KIF1A: variants seen among roughly 807,000 people sequenced by gnomAD.
The protein encoded by KIF1A is kinesin-like protein KIF1A.
In KIF1A, 46 loss-of-function variants were observed where a neutral mutation model predicts 227.3. The observed-to-expected ratio is 0.20, with a 90% confidence interval of 0.16 to 0.26. The LOEUF (loss-of-function observed/expected upper bound fraction) is 0.26, where lower values mean the gene tolerates loss of function less well. Ranked by LOEUF, KIF1A falls within the 10% of genes least tolerant of loss-of-function variation. The pLI, the probability that KIF1A is intolerant of heterozygous loss-of-function variation, is 1.00. For missense variants in KIF1A, 1,683 were observed against 2,485.9 expected (o/e 0.68, Z 6.87); for synonymous variants, 1,022 against 1,012.8 (o/e 1.01, Z -0.17).
At chr2:240,765,399 G>A (rs2051046554) in intron 20 of KIF1A, among the ~76,000 whole-genome samples, 1 of 152,214 alleles carries the variant, frequency 6.6e-6, no homozygotes, top group African/African-American at 2.4e-5. Context: ...GCAGAGTCCT[G>A]GGCCAGGAGG....
rs150319486 is a variant in KIF1A at position 240,745,402 on chromosome 2, T to C, written c.3465+25A>G. 1.3e-3 allele frequency: 1,970 copies of C among 1,554,284 alleles called. 34 individuals carry two copies. The African/African-American group carries it at 0.025, about 20-fold the overall frequency. On this transcript the variant is annotated intron_variant, in intron 32 of 48. Coordinates refer to ENST00000498729, the MANE Select transcript of KIF1A (RefSeq NM_001244008.2). Reference sequence around the variant, plus strand: ...TGGGAGGGTCAGTCAGTGGCAGGGATGGGGAGAAGTGCCCAGGAACGTACG... The same window carrying C: ...TGGGAGGGTCAGTCAGTGGCAGGGACGGGGAGAAGTGCCCAGGAACGTACG...
chr2:240,774,285 G>A, intron 11 of KIF1A, 24 bp from the exon 12 acceptor site: 1 of 1,543,268 alleles, frequency 6.5e-7, no homozygotes, highest in South Asian at 1.1e-5. Context: ...ACCAGGTTGT[G>A]CCCAGAGGGG....
At chr2:240,780,770 C>CCACACACACACACAGCTCCACA (rs2053565203) in intron 10 of KIF1A, among the ~76,000 whole-genome samples, 1 of 71,540 alleles carries the variant, frequency 1.4e-5, no homozygotes, top group Non-Finnish European at 2.6e-5. Flanking sequence ...CCACACAGCT[C>CCACACACACACACAGCTCCACA]CACACACACA....
chr2:240,758,545 A>G lies in KIF1A; in HGVS notation c.2445-48T>C, dbSNP rs1167335444. 10 of 1,487,304 alleles carry G rather than the reference A, an allele frequency of 6.7e-6. No individual in the cohort carries two copies. Among genetic ancestry groups the G allele is most frequent in the Non-Finnish European group, 9.0e-6 (10 of 1,115,006 alleles). The allele number at this position is 1,487,304 out of a possible 1,614,324, so 92.1% of individuals were successfully genotyped here. ...TGTGGACCCAGGCCCAGCGCTCAGC[A>G]GCTGGCACCGCACACCCTTATCTCC... On this transcript the variant is annotated intron_variant, in intron 25 of 48. Coordinates refer to ENST00000498729, the MANE Select transcript of KIF1A (RefSeq NM_001244008.2). This position sits in a 1 kb window ranked among gnomAD's most constrained non-coding sequence, Gnocchi z 5.2.
intron 1 of KIF1A, among the ~76,000 whole-genome samples, chr2:240,816,211 C>T (rs1042110949): frequency 6.6e-6 from 1 of 151,464 alleles, no homozygotes. Context: ...CGTGCATAAG[C>T]ATGTGTGTAT....
intron 44 of KIF1A, 38 bp from the exon 45 acceptor site, chr2:240,721,076 G>C (rs780037861): frequency 3.1e-6 from 5 of 1,607,960 alleles, no homozygotes; most frequent in Non-Finnish European, 3.4e-6. Flanking sequence ...ACACAGGGAA[G>C]GGGGGTCTCC....
chr2:240,817,975 G>T (rs937828332), intron 1 of KIF1A, among the ~76,000 whole-genome samples: 1 of 152,228 alleles, frequency 6.6e-6, no homozygotes, highest in Non-Finnish European at 1.5e-5. Flanking sequence ...AGAACTCCAG[G>T]CTCCACCTGT....
chr2:240,736,171 C>T lies in KIF1A; in HGVS notation c.4007+892G>A, dbSNP rs1575545297. Among the ~76,000 whole-genome samples, 1 of 152,164 alleles carries T rather than the reference C, an allele frequency of 6.6e-6. No individual in the cohort carries two copies. The highest frequency in any genetic ancestry group is 6.5e-5 in the Admixed American group (1 of 15,288). On this transcript the variant is annotated intron_variant, in intron 38 of 48. Transcript: ENST00000498729. This position sits in a 1 kb window ranked among gnomAD's most constrained non-coding sequence, Gnocchi z 4.7. ...ACGACGCCCGCCAGGACCCTCCTTC[C>T]TTATGACCCTGACCCTCCTTGCAGG...
chr2:240,745,783 G>A lies in KIF1A; in HGVS notation c.3329C>T (p.Ala1110Val), dbSNP rs1236829353. The change falls in exon 31 of 49, where the codon GCG becomes GTG. Residue 1110 changes from alanine to valine, a missense_variant. Coordinates refer to ENST00000498729, the MANE Select transcript of KIF1A (RefSeq NM_001244008.2). ...TFTFRVTVLQ[A>V]SSISAEYADI... ...GGCATATTCGGCAGAGATGCTGGAC[G>A]CCTGCAGGACTGTCACACGGAAGGT... is the stretch of plus-strand genomic sequence containing the variant. 4 of 1,612,880 alleles carry A rather than the reference G, an allele frequency of 2.5e-6. No individual in the cohort carries two copies. Among genetic ancestry groups the A allele is most frequent in the South Asian group, 1.1e-5 (1 of 90,872 alleles).
At chr2:240,805,721 T>C (rs528762804) in intron 1 of KIF1A, among the ~76,000 whole-genome samples, 1 of 152,328 alleles carries the variant, frequency 6.6e-6, no homozygotes, top group African/African-American at 2.4e-5. Context: ...TATTTTACCA[T>C]GTACTAGACC....
In KIF1A at chr2:240,758,092, A is replaced by G. The variant is rs566111296; in HGVS notation, c.2582+268T>C. On this transcript the variant is annotated intron_variant, in intron 26 of 48. Coordinates refer to ENST00000498729, the MANE Select transcript of KIF1A (RefSeq NM_001244008.2). The surrounding 1 kb of genome is among the most constrained non-coding windows in gnomAD (Gnocchi z 5.2). ...CTCACATATTCATACACATGGACCC[A>G]TGGGTTCTGGCGGCTACAGCCCTGC... Among the ~76,000 whole-genome samples the G allele has an allele frequency of 1.5e-4, 23 of 152,314 alleles. No individual in the cohort carries two copies. Among genetic ancestry groups the G allele is most frequent in the African/African-American group, 5.5e-4 (23 of 41,580 alleles).
intron 17 of KIF1A, 102 bp from the exon 18 acceptor site, chr2:240,767,447 G>A (rs892600923): frequency 5.2e-6 from 5 of 959,554 alleles, no homozygotes; most frequent in African/African-American, 1.6e-5. Flanking sequence ...CTACCACCAG[G>A]GTCCCTGCCC....
rs2047717398 is a variant in KIF1A at position 240,739,559 on chromosome 2, GT to G, written c.3901+498del. On this transcript the variant is annotated intron_variant, in intron 37 of 48. Coordinates refer to ENST00000498729, the MANE Select transcript of KIF1A (RefSeq NM_001244008.2). The surrounding 1 kb of genome is among the most constrained non-coding windows in gnomAD (Gnocchi z 5.6). ...ATGGGCCTCTAATCCAACCTGCCTG[GT>G]GTCCTTAGGAGAAAGGGCCACAGGA... Among the ~76,000 whole-genome samples the G allele has an allele frequency of 1.3e-5, 2 of 152,140 alleles. No individual in the cohort carries two copies. The highest frequency in any genetic ancestry group is 4.1e-4 in the South Asian group (2 of 4,822).
chr2:240,780,718 C>A (rs553975574), intron 10 of KIF1A, among the ~76,000 whole-genome samples: 2 of 150,980 alleles, frequency 1.3e-5, no homozygotes, highest in Non-Finnish European at 2.9e-5. Context: ...CAGGTTCTTC[C>A]GGCTTCTGAC....
rs2044934145 is a variant in KIF1A, at chr2:240,719,071, G to A, written c.5149C>T (p.Arg1717Trp). The stretch of plus-strand genomic sequence containing the variant: ...GCAGTGGCCAGGTTGAGCACGAACC[G>A]CTCCACGGTGTCCTTGTCGCTGTTG... ...MYNSDKDTVE[R>W]FVLNLATAQV... The change falls in exon 47 of 49, where the codon CGG becomes TGG. Residue 1717 changes from arginine (R) to tryptophan (W), a missense_variant. Physicochemically the swap from Arg to Trp is moderately radical, Grantham distance 101 (BLOSUM62 -3). Around this residue, in one of 12 missense-constraint regions of KIF1A, gnomAD observed 384 missense variants for 410.1 expected, o/e 0.94. Transcript: ENST00000498729. 7 of 1,612,360 alleles carry A rather than the reference G, an allele frequency of 4.3e-6. No individual in the cohort carries two copies. The highest frequency in any genetic ancestry group is 5.1e-6 in the Non-Finnish European group (6 of 1,179,658).
At position 240,764,276 on chromosome 2, in the gene KIF1A, G is replaced by A. The variant is rs565365282; in HGVS notation, c.1769-930C>T. Among the ~76,000 whole-genome samples the A allele has an allele frequency of 2.0e-5, 3 of 152,262 alleles. No homozygotes were observed. In the South Asian group the frequency reaches 6.2e-4, roughly 32 times the overall value. On this transcript the variant is annotated intron_variant, in intron 20 of 48. Transcript: ENST00000498729. ...TGCAGCCCACCTCGGACACTGGGAG[G>A]GAAACCCCAAGCTAAGGCCTCTCTT...
chr2:240,809,334 C>T (rs1448886461), intron 1 of KIF1A, among the ~76,000 whole-genome samples: 2 of 152,194 alleles, frequency 1.3e-5, no homozygotes, highest in Non-Finnish European at 1.5e-5. Context: ...GCCCTATGAT[C>T]TCGAGCCTTG....
intron 9 of KIF1A, 118 bp from the exon 10 acceptor site, chr2:240,782,725 C>G: frequency 3.8e-6 from 4 of 1,062,526 alleles, no homozygotes; most frequent in Non-Finnish European, 5.6e-6. Context: ...GCTCTACCAC[C>G]CCGTGGTCTC....
intron 43 of KIF1A, 121 bp downstream of exon 43, chr2:240,722,335 C>A: frequency 1.1e-6 from 1 of 927,306 alleles, no homozygotes. Flanking sequence ...AAGCTCCTAG[C>A]TCCTGGTGGT....
Sources: gnomAD v4.1 joint callset for allele counts (sites outside exome capture counted in the v4.1 genomes callset) on GRCh38, gnomAD v4.1.1 for gene constraint, gnomAD v4.1.1 regional missense constraint, Gnocchi (gnomAD v3.1) non-coding constraint, MANE v1.5 for transcripts, NCBI Gene and HGNC (gene_info 2026-07-23, HGNC 2026-07-21) for gene names.